RBPJ: variants seen among roughly 807,000 people sequenced by gnomAD.
RBPJ encodes the protein recombining binding protein suppressor of hairless.
In RBPJ, 9 loss-of-function variants were observed where a neutral mutation model predicts 67.8. The observed-to-expected ratio is 0.13, with a 90% CI of 0.08 to 0.23. RBPJ has a LOEUF of 0.23. Ranked by LOEUF, RBPJ falls within the 10% of genes least tolerant of loss-of-function variation. RBPJ has a pLI of 1.00. For missense variants in RBPJ, 305 were observed against 595.6 expected (o/e 0.51, Z 5.08); for synonymous variants, 198 against 203.3 (o/e 0.97, Z 0.22).
chr4:26,148,189 C>T, the RBPJ span, among the ~76,000 whole-genome samples: 1 of 152,128 alleles, frequency 6.6e-6, no homozygotes, highest in Admixed American at 6.6e-5. Flanking sequence ...TTCACTTAAG[C>T]AACTGGCTAG....
chr4:26,323,756 T>A (rs954191028), intron 1 of RBPJ, among the ~76,000 whole-genome samples: 2 of 152,344 alleles, frequency 1.3e-5, no homozygotes, highest in Admixed American at 1.3e-4. Flanking sequence ...TTGGTTTGGT[T>A]GACAGGCCAT....
In RBPJ at chr4:26,432,165, T is replaced by C. The variant is rs992436865; in HGVS notation, c.*1158T>C. On this transcript the variant is annotated 3_prime_UTR_variant, in exon 11 of 11. Coordinates refer to ENST00000355476, the MANE Select transcript of RBPJ (RefSeq NM_015874.6). Reference sequence around the variant, plus strand: ...AAATATGGGAAGTATTTGCTACCAGTTGGTAGATGGTGCCCTTAATGGTAG... The same window carrying C: ...AAATATGGGAAGTATTTGCTACCAGCTGGTAGATGGTGCCCTTAATGGTAG... 2.6e-5 allele frequency: 4 copies of C among 152,242 alleles called. No individual in the cohort carries two copies. Among genetic ancestry groups the C allele is most frequent in the African/African-American group, 9.6e-5 (4 of 41,464 alleles). The allele number at this position is 152,242 out of a possible 1,614,324, so 9.4% of individuals were successfully genotyped here.
intron 1 of RBPJ, among the ~76,000 whole-genome samples, chr4:26,359,538 C>T (rs1200839602): frequency 6.6e-6 from 1 of 151,958 alleles, no homozygotes; most frequent in Admixed American, 6.6e-5. Flanking sequence ...AAACTGCAGG[C>T]CCCTGGCTGG....
intron 1 of RBPJ, among the ~76,000 whole-genome samples, chr4:26,253,557 C>T (rs539122983): frequency 6.6e-6 from 1 of 151,194 alleles, no homozygotes; most frequent in African/African-American, 2.5e-5. Context: ...GTGATCCGCC[C>T]GCCTCGGCCT....
chr4:26,406,161 G>A lies in RBPJ; in HGVS notation c.60-14G>A, dbSNP rs750897830. 2.0e-6 allele frequency: 3 copies of A among 1,532,268 alleles called. No individual in the cohort carries two copies. Among genetic ancestry groups the A allele is most frequent in the Non-Finnish European group, 2.7e-6 (3 of 1,105,976 alleles). 94.9% of individuals were successfully genotyped at this position (1,532,268 alleles called of 1,614,324 possible). On this transcript the variant is annotated splice_polypyrimidine_tract_variant and intron_variant, in intron 2 of 10. Coordinates refer to ENST00000355476, the MANE Select transcript of RBPJ (RefSeq NM_015874.6). ...TTTCACCTCTGTAACAGTAATATTT[G>A]TATTTGTTTTTAGGGAAGCTATGCG...
chr4:26,411,501 T>C (rs2109767386), intron 3 of RBPJ, among the ~76,000 whole-genome samples: 1 of 152,204 alleles, frequency 6.6e-6, no homozygotes, highest in Admixed American at 6.5e-5. Flanking sequence ...ATCAGCAATA[T>C]AGAAATAATT....
upstream of RBPJ, among the ~76,000 whole-genome samples, chr4:26,158,800 G>C (rs935371834): frequency 3.3e-5 from 5 of 152,174 alleles, no homozygotes; most frequent in Non-Finnish European, 5.9e-5. Flanking sequence ...AAGCAGTTCT[G>C]ATTCTTCACT....
At chr4:26,256,731 T>C (rs1482165084) in intron 1 of RBPJ, among the ~76,000 whole-genome samples, 1 of 152,226 alleles carries the variant, frequency 6.6e-6, no homozygotes, top group Non-Finnish European at 1.5e-5. Context: ...TGATTTTAAA[T>C]GCACACTTAC....
Position 26,171,193 on chromosome 4 carries a change from T to C in RBPJ, c.-167+7579T>C, listed in dbSNP as rs1716566956. On this transcript the variant is annotated intron_variant, in intron 1 of 4. Transcript: ENST00000512351. ...GTATAATTTCTCTTCCTATTTTTGT[T>C]TTGAGTTTCACATGAAATATTTCTT... Among the ~76,000 whole-genome samples, 4 of 152,342 alleles carry C rather than the reference T, an allele frequency of 2.6e-5. No individual in the cohort carries two copies. In the South Asian group the frequency reaches 8.3e-4, roughly 32 times the overall value.
chr4:26,305,821 C>A (rs1190979048), intron 1 of RBPJ, among the ~76,000 whole-genome samples: 17 of 136,514 alleles, frequency 1.2e-4, no homozygotes, highest in Non-Finnish European at 1.7e-4. Flanking sequence ...CTCTTGTCAC[C>A]CAGGCTGGAG....
At chr4:26,274,005 A>G (rs754459689) in intron 1 of RBPJ, among the ~76,000 whole-genome samples, 4 of 152,154 alleles carry the variant, frequency 2.6e-5, no homozygotes, top group Non-Finnish European at 5.9e-5. Flanking sequence ...CTTTGCTCAG[A>G]TGTCACCTTG....
chr4:26,110,866 C>G, the RBPJ span, among the ~76,000 whole-genome samples: 3 of 152,188 alleles, frequency 2.0e-5, no homozygotes, highest in Non-Finnish European at 2.9e-5. This position sits in a 1 kb window ranked among gnomAD's most constrained non-coding sequence, Gnocchi z 4.5. Flanking sequence ...CTTCTCAGGA[C>G]AGTCTCTCTG....
the RBPJ span, among the ~76,000 whole-genome samples, chr4:26,133,177 G>A: frequency 3.9e-5 from 6 of 152,370 alleles, no homozygotes; most frequent in East Asian, 1.2e-3. Flanking sequence ...GCCATCATCT[G>A]AGACAGCCCT....
chr4:26,308,793 A>G (rs997602686), intron 1 of RBPJ, among the ~76,000 whole-genome samples: 3 of 152,220 alleles, frequency 2.0e-5, no homozygotes, highest in Non-Finnish European at 2.9e-5. Flanking sequence ...ACACCAAGCA[A>G]TACAGATGCA....
Position 26,424,327 on chromosome 4 carries a change from G to C in RBPJ, c.497-15G>C, listed in dbSNP as rs1199135309. ...TGCTCCAATCACATAAATAAGAGCTGTTTTTTCTTTGCAGTATGCATTGCC... is the reference window on the plus strand; with the variant it reads ...TGCTCCAATCACATAAATAAGAGCTCTTTTTTCTTTGCAGTATGCATTGCC... On this transcript the variant is annotated splice_polypyrimidine_tract_variant and intron_variant, in intron 5 of 10. Transcript: ENST00000355476. The surrounding 1 kb of genome is among the most constrained non-coding windows in gnomAD (Gnocchi z 5.3). The C allele has an allele frequency of 3.1e-6, 5 of 1,612,082 alleles. No homozygotes were observed. Among genetic ancestry groups the C allele is most frequent in the Admixed American group, 1.7e-5 (1 of 59,934 alleles).
chr4:26,289,470 A>G (rs1373338471), intron 1 of RBPJ, among the ~76,000 whole-genome samples: 1 of 150,366 alleles, frequency 6.7e-6, no homozygotes, highest in Non-Finnish European at 1.5e-5. Context: ...ACACTTGGCA[A>G]TAAATTTGGT....
chr4:26,107,091 G>T, the RBPJ span, among the ~76,000 whole-genome samples: 1 of 152,220 alleles, frequency 6.6e-6, no homozygotes, highest in Admixed American at 6.5e-5. Context: ...GAGTTGAAAA[G>T]TCAGTAGTAA....
chr4:26,348,026 A>G (rs1026848341), intron 1 of RBPJ, among the ~76,000 whole-genome samples: 3 of 149,058 alleles, frequency 2.0e-5, no homozygotes, highest in African/African-American at 7.5e-5. Flanking sequence ...CAATGGCACC[A>G]TCTCAGCTCA....
intron 3 of RBPJ, among the ~76,000 whole-genome samples, chr4:26,407,445 T>A (rs1055879959): frequency 2.0e-5 from 3 of 152,260 alleles, no homozygotes; most frequent in African/African-American, 7.2e-5. Flanking sequence ...AGGTGATTTT[T>A]AAAAAATTAT....
Sources: gnomAD v4.1 joint callset for allele counts (sites outside exome capture counted in the v4.1 genomes callset) on GRCh38, gnomAD v4.1.1 for gene constraint, Gnocchi (gnomAD v3.1) non-coding constraint, MANE v1.5 for transcripts, NCBI Gene and HGNC (gene_info 2026-07-23, HGNC 2026-07-21) for gene names.